The following CECR2 variants were observed in gnomAD, a reference collection of about 807,000 sequenced individuals.
CECR2 encodes the protein chromatin remodeling regulator CECR2.
CECR2 carries 30 observed loss-of-function variants against 154.5 expected under a neutral mutation model. The observed-to-expected ratio is 0.19, with a 90% CI of 0.15 to 0.26. The LOEUF is 0.26. Among genes scored for constraint, CECR2 ranks in the 10% least tolerant of loss-of-function variants. The pLI, the probability that CECR2 is intolerant of heterozygous loss-of-function variation, is 1.00. For synonymous variants in CECR2, 725 were observed against 683.7 expected (o/e 1.06, Z -0.94); for missense variants, 1,743 against 1,829.3 (o/e 0.95, Z 0.86).
chr22:17,477,108 C>G (rs2055220811), intron 1 of CECR2: 2 of 723,062 alleles, frequency 2.8e-6, no homozygotes, highest in South Asian at 2.9e-5. Context: ...AAATGCCATT[C>G]AAAATACAGT....
Position 17,425,109 on chromosome 22 carries a change from G to C in CECR2, c.127-52479G>C, listed in dbSNP as rs139688513. ...AATGCTAAGAAAGTGTCTTGTGCTT[G>C]TTCTCACTACTTTTGGTTTGTTATT... On this transcript the variant is annotated intron_variant, in intron 1 of 18. Coordinates refer to ENST00000262608, the MANE Select transcript of CECR2 (RefSeq NM_001290047.2). Among the ~76,000 whole-genome samples the C allele has an allele frequency of 6.5e-3, 982 of 152,196 alleles. 10 individuals carry two copies. Among genetic ancestry groups the C allele is most frequent in the African/African-American group, 0.023 (935 of 41,514 alleles).
At chr22:17,551,945 A>G in intron 17 of CECR2, 86 bp from the exon 18 acceptor site, 1 of 1,255,762 alleles carries the variant, frequency 8.0e-7, no homozygotes, top group Non-Finnish European at 1.1e-6. Flanking sequence ...TGATGAAGGC[A>G]GTACCCTCGT....
chr22:17,417,469 A>G (rs754911754), intron 1 of CECR2, among the ~76,000 whole-genome samples: 2 of 152,158 alleles, frequency 1.3e-5, no homozygotes, highest in African/African-American at 2.4e-5. Context: ...ACAGTTTACT[A>G]CTTGTGGCCT....
chr22:17,543,425 G>A (rs1324798156), intron 16 of CECR2, among the ~76,000 whole-genome samples: 2 of 151,872 alleles, frequency 1.3e-5, no homozygotes, highest in African/African-American at 2.4e-5. Context: ...CACCGCGCCC[G>A]GCCTTCCCAG....
chr22:17,456,038 T>C (rs2054848909), intron 1 of CECR2, among the ~76,000 whole-genome samples: 1 of 152,194 alleles, frequency 6.6e-6, no homozygotes, highest in Non-Finnish European at 1.5e-5. Flanking sequence ...CATTTTCTTC[T>C]AGTTTTCACC....
chr22:17,549,384 C>G lies in CECR2; in HGVS notation c.4097C>G (p.Pro1366Arg). 1 of 1,613,970 alleles carries G rather than the reference C, an allele frequency of 6.2e-7. No individual in the cohort carries two copies. Among genetic ancestry groups the G allele is most frequent in the Non-Finnish European group, 8.5e-7 (1 of 1,179,870 alleles). ...TTTCAGCCCAGGGCTTACTCTTCCC[C>G]TGTGGCTGCCCTCCCACCTCACCAC... ...SHFQPRAYSSPVAALPPHHPG... is the reference protein window; with the variant it reads ...SHFQPRAYSSRVAALPPHHPG... The change falls in exon 17 of 19, where the codon CCT (proline) becomes CGT (arginine). Residue 1366 changes from proline (P) to arginine (R), a missense_variant. Physicochemically the swap from Pro to Arg is moderately radical, Grantham distance 103 (BLOSUM62 -2). Around this residue, in one of 4 missense-constraint regions of CECR2, gnomAD observed 1,250 missense variants for 1,192.1 expected, o/e 1.05. Transcript: ENST00000262608.
Position 17,530,102 on chromosome 22 carries a change from G to A in CECR2, c.1108+5831G>A, listed in dbSNP as rs1012567239. Among the ~76,000 whole-genome samples, 4 of 151,724 alleles carry A rather than the reference G, an allele frequency of 2.6e-5. No individual in the cohort carries two copies. In the East Asian group the frequency reaches 5.8e-4, roughly 22 times the overall value. On this transcript the variant is annotated intron_variant, in intron 9 of 18. Transcript: ENST00000262608. ...TCTACCTGTAAATAGTTCCTCTGTC[G>A]TATGCTGGTATTTATATTCTAGCAT...
intron 1 of CECR2, among the ~76,000 whole-genome samples, chr22:17,455,755 C>T (rs183075980): frequency 1.7e-4 from 26 of 152,322 alleles, no homozygotes; most frequent in Admixed American, 1.0e-3. Context: ...AAACTACAGG[C>T]GCACACCAGC....
At chr22:17,536,380 C>G (rs546415030) in intron 9 of CECR2, among the ~76,000 whole-genome samples, 1 of 152,208 alleles carries the variant, frequency 6.6e-6, no homozygotes, top group East Asian at 1.9e-4. Flanking sequence ...CCTCCTTGTT[C>G]CCTGCAAGTG....
At chr22:17,399,164 C>T (rs1168030791) in intron 1 of CECR2, among the ~76,000 whole-genome samples, 1 of 152,176 alleles carries the variant, frequency 6.6e-6, no homozygotes, top group East Asian at 1.9e-4. Flanking sequence ...TTGAAGGCCT[C>T]ATTAATGGTA....
intron 1 of CECR2, among the ~76,000 whole-genome samples, chr22:17,459,188 C>T (rs2054898902): frequency 6.6e-6 from 1 of 152,140 alleles, no homozygotes; most frequent in African/African-American, 2.4e-5. Flanking sequence ...TAAGAACCTG[C>T]AGGGTGATAT....
At chr22:17,518,264 C>T (rs1217178217) in intron 8 of CECR2, among the ~76,000 whole-genome samples, 1 of 152,168 alleles carries the variant, frequency 6.6e-6, no homozygotes, top group Non-Finnish European at 1.5e-5. Context: ...AATTGGCATT[C>T]CTTCATTTAG....
chr22:17,538,913 T>TTC (rs1422195305), intron 12 of CECR2, 80 bp from the exon 13 acceptor site: 4 of 1,511,204 alleles, frequency 2.6e-6, no homozygotes, highest in Non-Finnish European at 3.6e-6. Flanking sequence ...TGAATTCTCA[T>TTC]TATCTCTCTG....
intron 7 of CECR2, among the ~76,000 whole-genome samples, chr22:17,507,562 T>C (rs1481108610): frequency 6.6e-6 from 1 of 152,178 alleles, no homozygotes; most frequent in Non-Finnish European, 1.5e-5. Flanking sequence ...GCTTTTTTAC[T>C]GCTATATTCA....
chr22:17,378,270 A>T (rs1194518758), intron 1 of CECR2, among the ~76,000 whole-genome samples: 1 of 143,186 alleles, frequency 7.0e-6, no homozygotes, highest in African/African-American at 2.6e-5. Context: ...GGTGTGAGCC[A>T]CCGCGCTGGG....
chr22:17,381,990 C>T (rs1212856780), intron 1 of CECR2, among the ~76,000 whole-genome samples: 2 of 152,004 alleles, frequency 1.3e-5, no homozygotes, highest in Non-Finnish European at 2.9e-5. Flanking sequence ...TGGGTTCACC[C>T]CATTCTCCTG....
At chr22:17,495,861 CAAAAAAAAAAAAAA>C (rs10558473) in intron 2 of CECR2, among the ~76,000 whole-genome samples, 1 of 67,210 alleles carries the variant, frequency 1.5e-5, no homozygotes, top group African/African-American at 6.0e-5. Context: ...GACTCTGTCT[CAAAAAAAAAAAAAA>C]AAAAAAAAAA....
At chr22:17,403,673 G>A (rs1331337320) in intron 1 of CECR2, among the ~76,000 whole-genome samples, 1 of 151,968 alleles carries the variant, frequency 6.6e-6, no homozygotes, top group Non-Finnish European at 1.5e-5. Flanking sequence ...ACCTTTTTCT[G>A]TGTTAGCTAT....
chr22:17,435,428 G>T (rs1298367073), intron 1 of CECR2, among the ~76,000 whole-genome samples: 1 of 151,882 alleles, frequency 6.6e-6, no homozygotes, highest in Non-Finnish European at 1.5e-5. Context: ...TTGGAGACCG[G>T]GTTTTATAAT....
Sources: gnomAD v4.1 joint callset for allele counts (sites outside exome capture counted in the v4.1 genomes callset) on GRCh38, gnomAD v4.1.1 for gene constraint, gnomAD v4.1.1 regional missense constraint, MANE v1.5 for transcripts, NCBI Gene and HGNC (gene_info 2026-07-23, HGNC 2026-07-21) for gene names.